Variants in SAR1B observed in about 807,000 individuals in gnomAD.
SAR1B encodes secretion associated Ras related GTPase 1B.
In SAR1B, 23 loss-of-function variants were observed where a neutral mutation model predicts 26.8. The observed-to-expected ratio is 0.86, with a 90% confidence interval of 0.62 to 1.22. SAR1B has a LOEUF of 1.22. SAR1B is among the 50% of genes most tolerant of loss of function. The pLI is 0.00. For synonymous variants in SAR1B, 65 were observed against 80.8 expected (o/e 0.80, Z 1.05); for missense variants, 196 against 232.8 (o/e 0.84, Z 1.03).
At chr5:134,615,295 C>A (rs567403377) in intron 3 of SAR1B, among the ~76,000 whole-genome samples, 4 of 151,230 alleles carry the variant, frequency 2.6e-5, no homozygotes, top group Admixed American at 6.6e-5. Flanking sequence ...TTGCAATGAG[C>A]CGAGATTGCC....
chr5:134,609,486 G>T, intron 5 of SAR1B, 85 bp downstream of exon 5: 1 of 1,053,802 alleles, frequency 9.5e-7, no homozygotes, highest in Non-Finnish European at 1.5e-6. Context: ...CAGAAAAGCT[G>T]CACTCTGATA....
chr5:134,608,343 AC>A, intron 6 of SAR1B, 28 bp downstream of exon 6: 1 of 1,524,760 alleles, frequency 6.6e-7, no homozygotes, highest in Non-Finnish European at 8.8e-7. Flanking sequence ...AATTAAACAC[AC>A]CCATCATAAT....
intron 3 of SAR1B, among the ~76,000 whole-genome samples, chr5:134,619,304 G>A (rs998984178): frequency 7.5e-6 from 1 of 132,770 alleles, no homozygotes; most frequent in Non-Finnish European, 1.7e-5. Flanking sequence ...GCTCTCCAGC[G>A]TGGGCAACAG....
rs1412654788 is a variant in SAR1B, at chr5:134,624,038, C to T, written c.-18-1G>A. On this transcript the variant is annotated splice_acceptor_variant, in intron 1 of 6. Transcript: ENST00000402673. LOFTEE classifies it low-confidence loss of function (5UTR_SPLICE). The stretch of plus-strand genomic sequence containing the variant: ...AGGACATATCCAAATCTGATAGGGT[C>T]TGAAAAAAAAGAGTTTGAATTTAGT... The T allele has an allele frequency of 6.3e-7, 1 of 1,584,416 alleles. No homozygotes were observed. Among genetic ancestry groups the T allele is most frequent in the African/African-American group, 1.3e-5 (1 of 74,314 alleles).
intron 3 of SAR1B, among the ~76,000 whole-genome samples, chr5:134,620,123 G>A (rs973539309): frequency 3.3e-5 from 5 of 151,946 alleles, no homozygotes; most frequent in East Asian, 3.9e-4. Context: ...TGGCTAACAC[G>A]GAGAAACCCC....
At chr5:134,616,155 C>G (rs1765313220) in intron 3 of SAR1B, among the ~76,000 whole-genome samples, 1 of 134,882 alleles carries the variant, frequency 7.4e-6, no homozygotes, top group African/African-American at 2.8e-5. Context: ...AAAAAAAGGG[C>G]AGGGCACACG....
intron 5 of SAR1B, chr5:134,609,192 C>T: frequency 2.3e-6 from 1 of 436,018 alleles, no homozygotes; most frequent in Non-Finnish European, 4.5e-6. Flanking sequence ...GGAGTAGTGT[C>T]AAAGATGGCA....
chr5:134,626,911 T>C (rs180701428), intron 1 of SAR1B, among the ~76,000 whole-genome samples: 1 of 152,308 alleles, frequency 6.6e-6, no homozygotes, highest in South Asian at 2.1e-4. Flanking sequence ...AAACACTTAA[T>C]GTACAATTTT....
intron 1 of SAR1B, among the ~76,000 whole-genome samples, chr5:134,630,757 C>T (rs1469240116): frequency 7.4e-6 from 1 of 135,016 alleles, no homozygotes; most frequent in African/African-American, 2.8e-5. Flanking sequence ...CCAGCCTGGG[C>T]GATAGAGCGA....
chr5:134,619,159 G>T (rs538978753), intron 3 of SAR1B, among the ~76,000 whole-genome samples: 1 of 150,604 alleles, frequency 6.6e-6, no homozygotes, highest in African/African-American at 2.4e-5. Context: ...TTGAAACCCC[G>T]TCTCTACTAA....
chr5:134,608,351 T>C (rs756526457), intron 6 of SAR1B, 21 bp downstream of exon 6: 4 of 1,517,338 alleles, frequency 2.6e-6, no homozygotes, highest in African/African-American at 2.8e-5. Flanking sequence ...ACACCCATCA[T>C]AATTTTTTTT....
rs1765130351 is a variant in SAR1B, at chr5:134,606,505, G to A, written c.*445C>T. 2 of 182,348 alleles carry A rather than the reference G, an allele frequency of 1.1e-5. No individual in the cohort carries two copies. Among genetic ancestry groups the A allele is most frequent in the South Asian group, 1.1e-4 (1 of 9,468 alleles). The allele number at this position is 182,348 out of a possible 1,614,324, so 11.3% of individuals were successfully genotyped here. On this transcript the variant is annotated 3_prime_UTR_variant, in exon 7 of 7. Transcript: ENST00000402673. ...GTTATTGAAAACTGTAAGGCATCAT[G>A]CAATCATTGAATAAGCTAATTATTA...
chr5:134,630,352 G>A (rs1439710693), intron 1 of SAR1B, among the ~76,000 whole-genome samples: 6 of 151,562 alleles, frequency 4.0e-5, no homozygotes, highest in Admixed American at 4.0e-4. Context: ...CTACTCGGGA[G>A]GCTGAGGCAG....
intron 3 of SAR1B, among the ~76,000 whole-genome samples, chr5:134,616,506 A>G (rs2150052751): frequency 6.6e-6 from 1 of 152,232 alleles, no homozygotes; most frequent in East Asian, 1.9e-4. Context: ...TATTTAATAC[A>G]ATCTATATTC....
At chr5:134,629,436 C>T (rs1479723450) in intron 1 of SAR1B, among the ~76,000 whole-genome samples, 2 of 148,024 alleles carry the variant, frequency 1.4e-5, no homozygotes, top group South Asian at 2.2e-4. Context: ...CGGTGGCTCA[C>T]CCCTGTAATC....
Position 134,604,778 on chromosome 5 carries a change from T to C in SAR1B, c.*2172A>G, listed in dbSNP as rs1032671738. 6.6e-6 allele frequency: 1 copy of C among 152,140 alleles called. No individual in the cohort carries two copies. The highest frequency in any genetic ancestry group is 1.5e-5 in the Non-Finnish European group (1 of 68,028). 9.4% of individuals were successfully genotyped at this position (152,140 alleles called of 1,614,324 possible). On this transcript the variant is annotated 3_prime_UTR_variant, in exon 7 of 7. Transcript: ENST00000402673. Reference sequence around the variant, plus strand: ...TATGTTTTTTTTTCATTTATACCCATTTACAACACAAATAATTAGCTTCTT... The same window carrying C: ...TATGTTTTTTTTTCATTTATACCCACTTACAACACAAATAATTAGCTTCTT...
intron 3 of SAR1B, chr5:134,614,495 GC>G (rs1237958484): frequency 6.6e-6 from 1 of 152,180 alleles, no homozygotes; most frequent in Non-Finnish European, 1.5e-5. Context: ...TTGTTAGAAG[GC>G]TAAATGGGAT....
Position 134,620,992 on chromosome 5 carries a change from G to C in SAR1B, c.119C>G (p.Thr40Arg), listed in dbSNP as rs1413863577. Residue 40 changes from threonine (T) to arginine (R), a missense_variant, in exon 3 of 7, where the codon ACA (threonine) becomes AGA (arginine). By Grantham distance (71) the Thr-to-Arg change is moderately conservative (BLOSUM62 -1). Transcript: ENST00000402673. ...GTCATCTTTTAGCATGTGTAGCAAT[G>C]TTGTTTTTCCTGCATTATCCAATCC... ...FLGLDNAGKT[T>R]LLHMLKDDRL... is the part of the protein sequence containing the mutation. 7 of 1,613,232 alleles carry C rather than the reference G, an allele frequency of 4.3e-6. No homozygotes were observed. The highest frequency in any genetic ancestry group is 5.9e-6 in the Non-Finnish European group (7 of 1,179,190).
chr5:134,614,053 GC>G (rs1171817433), intron 3 of SAR1B: 1 of 152,070 alleles, frequency 6.6e-6, no homozygotes, highest in East Asian at 1.9e-4. Flanking sequence ...ACACCTGTAA[GC>G]CCAGACTTTG....
Sources: gnomAD v4.1 joint callset for allele counts (sites outside exome capture counted in the v4.1 genomes callset) on GRCh38, gnomAD v4.1.1 for gene constraint, MANE v1.5 for transcripts, NCBI Gene and HGNC (gene_info 2026-07-23, HGNC 2026-07-21) for gene names.